The following GIGYF2 variants were observed in gnomAD, a reference collection of about 807,000 sequenced individuals.
GIGYF2 encodes the protein GRB10-interacting GYF protein 2.
In GIGYF2, 25 loss-of-function variants were observed where a neutral mutation model predicts 208.1. That is an observed-to-expected ratio of 0.12 (90% CI 0.09 to 0.17). GIGYF2 has a LOEUF of 0.17. GIGYF2 is among the 10% of genes least tolerant of loss of function. The probability of loss-of-function intolerance (pLI) is 1.00; values close to 1 mark genes in which losing one functional copy is unlikely to be tolerated. For synonymous variants in GIGYF2, 534 were observed against 543.8 expected (o/e 0.98, Z 0.25); for missense variants, 1,302 against 1,579.4 (o/e 0.82, Z 2.98).
chr2:232,731,505 T>G (rs1559389260), intron 2 of GIGYF2, among the ~76,000 whole-genome samples: 1 of 152,220 alleles, frequency 6.6e-6, no homozygotes, highest in Non-Finnish European at 1.5e-5. Flanking sequence ...ATGTTTAGTA[T>G]TAAAGAAAAA....
intron 20 of GIGYF2, among the ~76,000 whole-genome samples, chr2:232,819,216 C>T (rs766111536): frequency 1.3e-5 from 2 of 152,176 alleles, no homozygotes; most frequent in Non-Finnish European, 2.9e-5. Flanking sequence ...CACTATACTG[C>T]AGCATATAGA....
chr2:232,787,979 AAGT>A (rs2106361095), intron 9 of GIGYF2: 1 of 156,288 alleles, frequency 6.4e-6, no homozygotes, highest in African/African-American at 2.4e-5. Flanking sequence ...CTTTGTGTTA[AAGT>A]TCATCCTGTA....
chr2:232,709,327 T>A (rs555005630), intron 2 of GIGYF2, among the ~76,000 whole-genome samples: 133 of 152,276 alleles, frequency 8.7e-4, no homozygotes, highest in Non-Finnish European at 1.3e-3. Flanking sequence ...AAATTTTGAT[T>A]GCAAAATTTC....
At chr2:232,755,967 A>C (rs1364688077) in intron 5 of GIGYF2, among the ~76,000 whole-genome samples, 1 of 152,170 alleles carries the variant, frequency 6.6e-6, no homozygotes, top group Non-Finnish European at 1.5e-5. Context: ...TTCCTCACCA[A>C]ACCTAGCATA....
chr2:232,791,496 AGTGATCACT>A (rs1414085908), intron 12 of GIGYF2, 50 bp downstream of exon 12: 2 of 1,493,272 alleles, frequency 1.3e-6, no homozygotes, highest in Non-Finnish European at 9.2e-7. Flanking sequence ...TGCTGAGGCC[AGTGATCACT>A]GATAAGTTAG....
At chr2:232,843,698 A>T (rs1369504557) in intron 23 of GIGYF2, among the ~76,000 whole-genome samples, 3 of 151,736 alleles carry the variant, frequency 2.0e-5, no homozygotes, top group Non-Finnish European at 4.4e-5. Context: ...ATATGGTGAA[A>T]TCCCATCTCT....
chr2:232,833,791 G>A (rs1410253148), intron 22 of GIGYF2, among the ~76,000 whole-genome samples: 1 of 152,118 alleles, frequency 6.6e-6, no homozygotes, highest in Admixed American at 6.5e-5. Flanking sequence ...TAGAATATAG[G>A]GCTTGAAACA....
chr2:232,820,011 T>C (rs1559455906), intron 21 of GIGYF2, 26 bp downstream of exon 21: 1 of 1,612,438 alleles, frequency 6.2e-7, no homozygotes, highest in Non-Finnish European at 8.5e-7. Flanking sequence ...TGTCTTCTAA[T>C]TGTTCCTTTG....
chr2:232,816,567 C>T (rs1169850644), intron 19 of GIGYF2, among the ~76,000 whole-genome samples: 2 of 152,144 alleles, frequency 1.3e-5, no homozygotes, highest in Non-Finnish European at 2.9e-5. Flanking sequence ...GAGGAAAGTG[C>T]ATTCAATTGA....
chr2:232,701,522 C>G (rs1347347423), intron 1 of GIGYF2, among the ~76,000 whole-genome samples: 1 of 151,274 alleles, frequency 6.6e-6, no homozygotes, highest in Non-Finnish European at 1.5e-5. Context: ...CTCAATCTCC[C>G]AGGCTCAAGC....
At chr2:232,814,574 C>CG (rs1700851434) in intron 18 of GIGYF2, among the ~76,000 whole-genome samples, 1 of 135,056 alleles carries the variant, frequency 7.4e-6, no homozygotes, top group Admixed American at 7.4e-5. Flanking sequence ...AACCCCCCCC[C>CG]CCCAAAAAAA....
intron 17 of GIGYF2, 141 bp downstream of exon 17, chr2:232,811,492 T>A: frequency 1.5e-6 from 1 of 661,018 alleles, no homozygotes; most frequent in Admixed American, 2.4e-5. Flanking sequence ...TGTAAAAAAG[T>A]ATATTTTAAA....
chr2:232,846,028 T>C, intron 26 of GIGYF2, 142 bp downstream of exon 26: 1 of 694,270 alleles, frequency 1.4e-6, no homozygotes, highest in Non-Finnish European at 2.6e-6. Context: ...GGAACTTGAC[T>C]CTTTAATAGT....
chr2:232,808,925 A>G (rs1700640251), intron 15 of GIGYF2, among the ~76,000 whole-genome samples: 2 of 152,150 alleles, frequency 1.3e-5, no homozygotes, highest in African/African-American at 4.8e-5. Context: ...TTATATACAT[A>G]CATATACATA....
chr2:232,709,773 C>T (rs1696295507), intron 2 of GIGYF2, among the ~76,000 whole-genome samples: 1 of 151,774 alleles, frequency 6.6e-6, no homozygotes, highest in African/African-American at 2.4e-5. Flanking sequence ...TGCACCACTG[C>T]ACTCCAGCCT....
chr2:232,757,672 G>A (rs1442181075), intron 6 of GIGYF2, among the ~76,000 whole-genome samples: 1 of 151,782 alleles, frequency 6.6e-6, no homozygotes, highest in East Asian at 1.9e-4. Context: ...TGCCTCCAGT[G>A]CTTTTCAGGG....
chr2:232,762,189 T>A (rs1381121726), intron 8 of GIGYF2, among the ~76,000 whole-genome samples: 1 of 150,666 alleles, frequency 6.6e-6, no homozygotes, highest in Non-Finnish European at 1.5e-5. Flanking sequence ...AAAAAAGTTC[T>A]CCAGAGCATG....
rs538844993 is a variant in GIGYF2 at position 232,741,434 on chromosome 2, C to A, written c.42-6181C>A. Among the ~76,000 whole-genome samples the A allele has an allele frequency of 3.4e-5, 5 of 145,160 alleles. No homozygotes were observed. The East Asian group carries it at 6.0e-4, about 17-fold the overall frequency. On this transcript the variant is annotated intron_variant, in intron 3 of 28. Coordinates refer to ENST00000373563, the MANE Select transcript of GIGYF2 (RefSeq NM_001103146.3). ...TGGCCTACTGATGTTTCCTGGCTTC[C>A]TTTTTTTTTTTTCTTTTTTTTTGTT...
chr2:232,816,706 A>T (rs1437498558), intron 19 of GIGYF2, among the ~76,000 whole-genome samples, 165 bp from the exon 20 acceptor site: 2 of 152,182 alleles, frequency 1.3e-5, no homozygotes, highest in Non-Finnish European at 2.9e-5. Context: ...ATTCCATTGT[A>T]TGTATATAAC....
Sources: gnomAD v4.1 joint callset for allele counts (sites outside exome capture counted in the v4.1 genomes callset) on GRCh38, gnomAD v4.1.1 for gene constraint, MANE v1.5 for transcripts, NCBI Gene and HGNC (gene_info 2026-07-23, HGNC 2026-07-21) for gene names.